The following CACNA1E variants were observed in gnomAD, a reference collection of about 807,000 sequenced individuals.
The protein encoded by CACNA1E is voltage-dependent R-type calcium channel subunit alpha-1E.
CACNA1E carries 40 observed loss-of-function variants against 259.2 expected under a neutral mutation model. The observed-to-expected ratio is 0.15, with a 90% CI of 0.12 to 0.20. The LOEUF is 0.20. Ranked by LOEUF, CACNA1E falls within the 10% of genes least tolerant of loss-of-function variation. CACNA1E has a pLI of 1.00. For synonymous variants in CACNA1E, 1,104 were observed against 1,138.5 expected (o/e 0.97, Z 0.61); for missense variants, 1,874 against 3,040.1 (o/e 0.62, Z 9.02).
chr1:181,324,670 T>C (rs988274037), intron 1 of CACNA1E, among the ~76,000 whole-genome samples: 1 of 152,218 alleles, frequency 6.6e-6, no homozygotes, highest in Non-Finnish European at 1.5e-5. Flanking sequence ...GACAGGCCTT[T>C]GTGGAAGGAA....
chr1:181,481,295 G>A (rs1663214115), upstream of CACNA1E, among the ~76,000 whole-genome samples: 1 of 151,442 alleles, frequency 6.6e-6, no homozygotes, highest in African/African-American at 2.4e-5. Flanking sequence ...GGCTGGACAT[G>A]TTGAGACCAT....
rs151333097 is a variant in CACNA1E, at chr1:181,807,634, C to G, written c.*8800C>G. The stretch of plus-strand genomic sequence containing the variant: ...AACGCTTTTATCAATTAGATAGAAA[C>G]CAGCATTCCAAAATAAGTCCCCTAA... On this transcript the variant is annotated 3_prime_UTR_variant, in exon 48 of 48. Coordinates refer to ENST00000367573, the MANE Select transcript of CACNA1E (RefSeq NM_001205293.3). 1.3e-5 allele frequency: 2 copies of G among 151,776 alleles called. No individual in the cohort carries two copies. Among genetic ancestry groups the G allele is most frequent in the Non-Finnish European group, 2.9e-5 (2 of 67,966 alleles). The allele number at this position is 151,776 out of a possible 1,614,324, so 9.4% of individuals were successfully genotyped here.
intron 1 of CACNA1E, among the ~76,000 whole-genome samples, chr1:181,325,691 A>G (rs1054868813): frequency 2.0e-5 from 3 of 151,438 alleles, no homozygotes; most frequent in Non-Finnish European, 4.4e-5. Context: ...ATTTTATTGA[A>G]TTATTTTTGG....
At chr1:181,461,883 G>A (rs527502216) in intron 2 of CACNA1E, among the ~76,000 whole-genome samples, 25 of 152,058 alleles carry the variant, frequency 1.6e-4, no homozygotes, top group East Asian at 7.7e-4. Flanking sequence ...ACAACTGATC[G>A]TTAATAATGG....
intron 7 of CACNA1E, among the ~76,000 whole-genome samples, chr1:181,698,240 T>C (rs1056349517): frequency 1.3e-5 from 2 of 152,220 alleles, no homozygotes; most frequent in East Asian, 1.9e-4. Context: ...TGTATTATCC[T>C]TGATGCAAAT....
intron 18 of CACNA1E, among the ~76,000 whole-genome samples, chr1:181,729,466 A>G (rs1401119365): frequency 6.6e-6 from 1 of 152,248 alleles, no homozygotes; most frequent in East Asian, 1.9e-4. Context: ...GAAGAAACAC[A>G]GAAGAAGCAC....
intron 1 of CACNA1E, among the ~76,000 whole-genome samples, chr1:181,501,225 ATTTGTTAAGAC>A (rs1272398919): frequency 8.5e-5 from 13 of 152,350 alleles, no homozygotes; most frequent in Admixed American, 7.2e-4. Flanking sequence ...AAACAAATGA[ATTTGTTAAGAC>A]TTATCCAGCT....
chr1:181,709,396 T>A (rs1183537710), intron 7 of CACNA1E, among the ~76,000 whole-genome samples: 1 of 152,210 alleles, frequency 6.6e-6, no homozygotes, highest in Non-Finnish European at 1.5e-5. Context: ...TCCCTACACC[T>A]TCTGCCTGAT....
chr1:181,595,346 C>A (rs1200045837), intron 6 of CACNA1E, among the ~76,000 whole-genome samples: 1 of 152,182 alleles, frequency 6.6e-6, no homozygotes, highest in African/African-American at 2.4e-5. Flanking sequence ...GAAAGGCAGG[C>A]CCAAAGGGCA....
rs1429594089 is a variant in CACNA1E at position 181,651,661 on chromosome 1, AG to A, written c.1055+222del. On this transcript the variant is annotated intron_variant, in intron 7 of 47. Coordinates refer to ENST00000367573, the MANE Select transcript of CACNA1E (RefSeq NM_001205293.3). ...TCAGGAATTAAAAAGTCTTGATGTC[AG>A]GCACAACACTGAACACAGTATGTAG... 2.5e-5 allele frequency: 12 copies of A among 475,004 alleles called. No individual in the cohort carries two copies. The East Asian group carries it at 4.5e-4, about 18-fold the overall frequency. The allele number at this position is 475,004 out of a possible 1,614,324, so 29.4% of individuals were successfully genotyped here.
chr1:181,714,563 T>A lies in CACNA1E; in HGVS notation c.1172-775T>A, dbSNP rs545933014. On this transcript the variant is annotated intron_variant, in intron 8 of 47. Transcript: ENST00000367573. ...GTGGGAGTAGGGGGAGGCTGAAAGT[T>A]CTAGCCTCCAGTCCTGTGGCTGTTT... Among the ~76,000 whole-genome samples the A allele has an allele frequency of 2.5e-4, 38 of 152,296 alleles. No homozygotes were observed. In the East Asian group the frequency reaches 6.9e-3, roughly 28 times the overall value.
At chr1:181,397,101 C>G (rs1656729388) in intron 1 of CACNA1E, among the ~76,000 whole-genome samples, 1 of 152,140 alleles carries the variant, frequency 6.6e-6, no homozygotes, top group African/African-American at 2.4e-5. Context: ...TGAGGGAATT[C>G]TAGAGGCAAC....
intron 7 of CACNA1E, among the ~76,000 whole-genome samples, chr1:181,706,996 G>A (rs1321844716): frequency 3.3e-5 from 5 of 152,084 alleles, no homozygotes; most frequent in African/African-American, 1.2e-4. Flanking sequence ...GTTAAGCTTC[G>A]CTGACCCTTG....
intron 6 of CACNA1E, among the ~76,000 whole-genome samples, chr1:181,622,889 G>A (rs769233335): frequency 3.3e-5 from 5 of 152,062 alleles, no homozygotes; most frequent in Non-Finnish European, 7.3e-5. Flanking sequence ...AAAAAACCGC[G>A]ACAGCCCACT....
intron 6 of CACNA1E, among the ~76,000 whole-genome samples, chr1:181,614,059 G>T (rs1309678809): frequency 6.6e-6 from 1 of 152,154 alleles, no homozygotes; most frequent in African/African-American, 2.4e-5. Context: ...AATCAAATTA[G>T]TCTATAGGTA....
intron 3 of CACNA1E, among the ~76,000 whole-genome samples, chr1:181,521,136 G>A (rs188601927): frequency 7.9e-4 from 121 of 152,344 alleles, no homozygotes; most frequent in South Asian, 5.0e-3. Context: ...TCAGGGCCAT[G>A]GCTTTTCTCC....
chr1:181,372,417 G>A (rs990832434), intron 1 of CACNA1E, among the ~76,000 whole-genome samples: 3 of 152,090 alleles, frequency 2.0e-5, no homozygotes, highest in Non-Finnish European at 2.9e-5. Context: ...TTGGTGTATA[G>A]AAATAATACT....
intron 7 of CACNA1E, among the ~76,000 whole-genome samples, chr1:181,697,991 GTC>G (rs1213318872): frequency 2.0e-5 from 3 of 152,194 alleles, no homozygotes; most frequent in Non-Finnish European, 4.4e-5. Context: ...CCTCGTGCAT[GTC>G]TCTGATGGCT....
chr1:181,406,643 G>A (rs753475790), intron 1 of CACNA1E, among the ~76,000 whole-genome samples: 13 of 151,944 alleles, frequency 8.6e-5, no homozygotes, highest in South Asian at 2.1e-4. Context: ...TGATCCACCC[G>A]CCTCAGCCTC....
Sources: allele counts gnomAD v4.1 joint callset (sites outside exome capture counted in the v4.1 genomes callset), GRCh38; gene constraint gnomAD v4.1.1; transcripts MANE v1.5; gene names NCBI Gene and HGNC (gene_info 2026-07-23, HGNC 2026-07-21).